SFRP1: variants seen among roughly 807,000 people sequenced by gnomAD.
SFRP1 encodes the protein secreted frizzled-related protein 1.
A neutral mutation model predicts 25.9 loss-of-function variants in SFRP1; 9 were observed. The observed-to-expected ratio is 0.35, with a 90% CI of 0.21 to 0.61. SFRP1 has a LOEUF of 0.61. SFRP1 is among the 20% of genes least tolerant of loss of function. SFRP1 has a pLI of 0.78. For synonymous variants in SFRP1, 178 were observed against 174.0 expected, an observed-to-expected ratio of 1.02 and a Z score of -0.18; for missense variants, 346 against 418.2, an observed-to-expected ratio of 0.83 and a Z score of 1.51.
At chr8:41,288,456 G>A (rs937679593) in intron 2 of SFRP1, among the ~76,000 whole-genome samples, 3 of 140,018 alleles carry the variant, frequency 2.1e-5, no homozygotes, top group Admixed American at 1.6e-4. Flanking sequence ...AGGATCGCTT[G>A]AGCCCAGGAG....
Position 41,293,813 on chromosome 8 carries a change from C to T in SFRP1, c.622+9648G>A, listed in dbSNP as rs150788703. On this transcript the variant is annotated intron_variant, in intron 2 of 2. Transcript: ENST00000220772. ...AGACAAGGTCTTGCCCTGTCTCAGACCCAGGCTGGAGTGCAGTGGCCTGAA... is the reference window on the plus strand; with the variant it reads ...AGACAAGGTCTTGCCCTGTCTCAGATCCAGGCTGGAGTGCAGTGGCCTGAA... Among the ~76,000 whole-genome samples, 230 of 152,258 alleles carry T rather than the reference C, an allele frequency of 1.5e-3. 1 individual carries two copies. Among genetic ancestry groups the T allele is most frequent in the African/African-American group, 4.9e-3 (205 of 41,546 alleles).
intron 2 of SFRP1, among the ~76,000 whole-genome samples, chr8:41,287,647 G>A (rs542517020): frequency 6.6e-6 from 1 of 152,352 alleles, no homozygotes; most frequent in South Asian, 2.1e-4. Context: ...TGAGTCCACA[G>A]AGAAGGTGAG....
At chr8:41,291,870 A>G (rs1803783716) in intron 2 of SFRP1, among the ~76,000 whole-genome samples, 1 of 152,160 alleles carries the variant, frequency 6.6e-6, no homozygotes, top group South Asian at 2.1e-4. Context: ...GCACGGACAG[A>G]GGCACCTTGG....
Position 41,303,489 on chromosome 8 carries a change from G to T in SFRP1, c.594C>A (p.Ile198=), listed in dbSNP as rs1803954179. ...ACTCGCTGGCACAGAGATGTTCAAT[G>T]ATGGCCTCAGATTTCAACTCGTTGT... ...PCDNELKSEA[I]IEHLCASEFA... is the part of the protein sequence containing the mutation. Residue 198 remains isoleucine, a synonymous_variant, in exon 2 of 3, where the codon ATC becomes ATA. Transcript: ENST00000220772. 1.2e-6 allele frequency: 2 copies of T among 1,613,988 alleles called. No individual in the cohort carries two copies. The highest frequency in any genetic ancestry group is 3.3e-5 in the Admixed American group (2 of 59,988).
intron 2 of SFRP1, chr8:41,275,063 C>T: frequency 3.0e-6 from 1 of 334,372 alleles, no homozygotes; most frequent in Non-Finnish European, 5.9e-6. Context: ...TAGTCAATCC[C>T]CATCATTTTT....
chr8:41,271,973 T>C (rs1803515278), intron 2 of SFRP1, among the ~76,000 whole-genome samples: 1 of 151,968 alleles, frequency 6.6e-6, no homozygotes, highest in African/African-American at 2.4e-5. Flanking sequence ...TCAAAAAAAA[T>C]TGTTTTAAAT....
At chr8:41,291,744 T>A (rs1803782193) in intron 2 of SFRP1, among the ~76,000 whole-genome samples, 1 of 152,130 alleles carries the variant, frequency 6.6e-6, no homozygotes, top group Non-Finnish European at 1.5e-5. Flanking sequence ...CACCACGCAG[T>A]CAGCCTTGAC....
At chr8:41,306,913 C>T (rs1237167302) in intron 1 of SFRP1, 5 of 1,573,876 alleles carry the variant, frequency 3.2e-6, no homozygotes, top group Non-Finnish European at 3.4e-6. Context: ...TCAGGCAACC[C>T]GTCCAATCCC....
At chr8:41,277,159 G>A (rs1055029367) in intron 2 of SFRP1, among the ~76,000 whole-genome samples, 4 of 152,312 alleles carry the variant, frequency 2.6e-5, no homozygotes, top group East Asian at 1.9e-4. Flanking sequence ...GTGGATCAGA[G>A]AAGAACTGTG....
intron 2 of SFRP1, among the ~76,000 whole-genome samples, chr8:41,274,419 G>A (rs563270560): frequency 6.6e-6 from 1 of 152,064 alleles, no homozygotes; most frequent in African/African-American, 2.4e-5. Context: ...GTAAAAGAAA[G>A]GAAATAAATA....
At chr8:41,273,904 C>T (rs1382333045) in intron 2 of SFRP1, among the ~76,000 whole-genome samples, 1 of 152,126 alleles carries the variant, frequency 6.6e-6, no homozygotes, top group African/African-American at 2.4e-5. Flanking sequence ...GCTGCGAGGG[C>T]AGTCAGAATA....
At chr8:41,301,650 G>A (rs1803918116) in intron 2 of SFRP1, among the ~76,000 whole-genome samples, 1 of 152,214 alleles carries the variant, frequency 6.6e-6, no homozygotes, top group South Asian at 2.1e-4. Context: ...GACTCCAGTT[G>A]AGAAAGTCAA....
intron 1 of SFRP1, chr8:41,306,716 G>C: frequency 6.3e-7 from 1 of 1,597,658 alleles, no homozygotes; most frequent in East Asian, 2.2e-5. Flanking sequence ...TTGGGAGGGT[G>C]ACTACCTGAG....
rs150443695 is a variant in SFRP1 at position 41,268,722 on chromosome 8, C to T, written c.623-3233G>A. Among the ~76,000 whole-genome samples, 150 of 152,266 alleles carry T rather than the reference C, an allele frequency of 9.9e-4. 1 individual carries two copies. Among genetic ancestry groups the T allele is most frequent in the Non-Finnish European group, 9.9e-4 (67 of 68,010 alleles). On this transcript the variant is annotated intron_variant, in intron 2 of 2. Transcript: ENST00000220772. ...ATGTTGAAAAGATCATGAGCTGTCC[C>T]GGGTGGATTTTTCCTTGTGGGTGTG...
chr8:41,304,352 C>G (rs1803966570), intron 1 of SFRP1, among the ~76,000 whole-genome samples: 1 of 152,228 alleles, frequency 6.6e-6, no homozygotes, highest in South Asian at 2.1e-4. Context: ...AGGACTCCAG[C>G]TTCCCAGGAC....
At chr8:41,302,627 T>G (rs1011416642) in intron 2 of SFRP1, among the ~76,000 whole-genome samples, 5 of 152,190 alleles carry the variant, frequency 3.3e-5, no homozygotes, top group African/African-American at 1.2e-4. Flanking sequence ...CCATGTCAGA[T>G]AGAGGCGAGA....
chr8:41,280,904 G>A (rs890694840), intron 2 of SFRP1, among the ~76,000 whole-genome samples: 3 of 152,216 alleles, frequency 2.0e-5, no homozygotes, highest in Non-Finnish European at 4.4e-5. Context: ...CAGAAGGCAA[G>A]TGCTTTCTAA....
chr8:41,266,965 C>T lies in SFRP1; in HGVS notation c.623-1476G>A, dbSNP rs1218450533. ...AGTTTCTACTACTGGGTCTCTATGG[C>T]GGTAAGACAGCAGGTACTGCTAGTA... is the stretch of plus-strand genomic sequence containing the variant. On this transcript the variant is annotated intron_variant, in intron 2 of 2. Coordinates refer to ENST00000220772, the MANE Select transcript of SFRP1 (RefSeq NM_003012.5). Among the ~76,000 whole-genome samples the T allele has an allele frequency of 3.3e-5, 5 of 152,286 alleles. No homozygotes were observed. In the South Asian group the frequency reaches 6.2e-4, roughly 19 times the overall value.
intron 1 of SFRP1, among the ~76,000 whole-genome samples, chr8:41,306,193 T>G (rs989454807): frequency 6.6e-6 from 1 of 152,224 alleles, no homozygotes; most frequent in African/African-American, 2.4e-5. Flanking sequence ...AAGTCATTTC[T>G]CATTATCAGG....
Sources: allele counts gnomAD v4.1 joint callset (sites outside exome capture counted in the v4.1 genomes callset), GRCh38; gene constraint gnomAD v4.1.1; transcripts MANE v1.5; gene names NCBI Gene and HGNC (gene_info 2026-07-23, HGNC 2026-07-21).